DCAF1: variants seen among roughly 807,000 people sequenced by gnomAD.
DCAF1 encodes DDB1- and CUL4-associated factor 1.
Under a neutral mutation model 128.0 loss-of-function variants are expected in DCAF1, and 15 were observed. The observed-to-expected ratio is 0.12, with a 90% confidence interval of 0.08 to 0.18. The LOEUF is 0.18. Ranked by LOEUF, DCAF1 falls within the 10% of genes least tolerant of loss-of-function variation. The pLI is 1.00. For synonymous variants in DCAF1, 610 were observed against 603.0 expected (o/e 1.01, Z -0.17); for missense variants, 988 against 1,649.5 (o/e 0.60, Z 6.95).
chr3:51,421,766 TA>T (rs1305315659), intron 14 of DCAF1, among the ~76,000 whole-genome samples: 1 of 152,190 alleles, frequency 6.6e-6, no homozygotes, highest in Non-Finnish European at 1.5e-5. Flanking sequence ...TTGCTCTTAA[TA>T]AAGTATATTA....
chr3:51,467,515 G>A (rs1263958225), intron 4 of DCAF1, among the ~76,000 whole-genome samples: 1 of 152,034 alleles, frequency 6.6e-6, no homozygotes, highest in Non-Finnish European at 1.5e-5. Flanking sequence ...GGGGAGAGGG[G>A]AGAGGGACAG....
rs1559569233 is a variant in DCAF1, at chr3:51,483,637, G to GTGTA, written c.110+81_110+82insTACA. On this transcript the variant is annotated intron_variant, in intron 3 of 24. Transcript: ENST00000684031. Reference sequence around the variant, plus strand: ...TGTGTGTGTGTGTGTGTGTGTGTGTGTGTGTGTGTATGAAGAAATCTAGCG... The same window carrying GTGTA: ...TGTGTGTGTGTGTGTGTGTGTGTGTGTGTATGTGTGTGTATGAAGAAATCTAGCG... 1.4e-5 allele frequency: 12 copies of GTGTA among 863,648 alleles called. No individual in the cohort carries two copies. The East Asian group carries it at 2.0e-4, about 14-fold the overall frequency. 53.5% of individuals were successfully genotyped at this position (863,648 alleles called of 1,614,324 possible). A position where few individuals can be genotyped will look rare whatever the true frequency, so the allele number is the denominator to read the frequency against.
intron 22 of DCAF1, 40 bp from the exon 23 acceptor site, chr3:51,412,520 T>G (rs1553628799): frequency 4.3e-6 from 7 of 1,612,526 alleles, no homozygotes; most frequent in Non-Finnish European, 5.9e-6. Context: ...CAGTTACTTT[T>G]CAGAAGGTCC....
chr3:51,500,883 C>T (rs994295882), upstream of DCAF1, among the ~76,000 whole-genome samples: 2 of 147,226 alleles, frequency 1.4e-5, no homozygotes, highest in African/African-American at 5.0e-5. Flanking sequence ...GCGATCACAG[C>T]TCACTACAGC....
intron 2 of DCAF1, among the ~76,000 whole-genome samples, chr3:51,488,322 C>T (rs1003809396): frequency 1.3e-5 from 2 of 152,198 alleles, no homozygotes; most frequent in African/African-American, 2.4e-5. Context: ...GCCTGATGTC[C>T]TTTATGACTG....
At chr3:51,452,971 AC>A (rs1377599677) in intron 6 of DCAF1, among the ~76,000 whole-genome samples, 1 of 151,164 alleles carries the variant, frequency 6.6e-6, no homozygotes, top group Non-Finnish European at 1.5e-5. Flanking sequence ...AGCCGAGATC[AC>A]ACTATTGCAC....
chr3:51,472,174 A>C (rs1398756407), intron 3 of DCAF1, among the ~76,000 whole-genome samples: 1 of 152,090 alleles, frequency 6.6e-6, no homozygotes, highest in Non-Finnish European at 1.5e-5. Flanking sequence ...CTGCTTCCTG[A>C]CCACTTCTTC....
intron 1 of DCAF1, among the ~76,000 whole-genome samples, chr3:51,497,659 G>T (rs1553661820): frequency 6.6e-6 from 1 of 152,162 alleles, no homozygotes; most frequent in Non-Finnish European, 1.5e-5. Flanking sequence ...AGCAATTTGG[G>T]AAGCCAAGTC....
chr3:51,458,503 A>G lies in DCAF1; in HGVS notation c.375+4611T>C, dbSNP rs576740459. ...CCCCACTGTCAACATCAGACAGATC[A>G]ACGAGACAGAAAGTTAACAAGGATA... On this transcript the variant is annotated intron_variant, in intron 6 of 24. Transcript: ENST00000684031. Among the ~76,000 whole-genome samples, 193 of 152,258 alleles carry G rather than the reference A, an allele frequency of 1.3e-3. 1 individual carries two copies. Among genetic ancestry groups the G allele is most frequent in the African/African-American group, 3.0e-3 (123 of 41,562 alleles).
chr3:51,419,610 G>T (rs577565551), intron 15 of DCAF1, 124 bp downstream of exon 15: 96 of 1,454,944 alleles, frequency 6.6e-5, no homozygotes, highest in Non-Finnish European at 8.5e-5. Context: ...CAATTACATT[G>T]TTCAAGTATT....
chr3:51,460,846 C>T (rs2108018467), intron 6 of DCAF1, among the ~76,000 whole-genome samples: 1 of 150,440 alleles, frequency 6.6e-6, no homozygotes, highest in Middle Eastern at 3.4e-3. Flanking sequence ...GCTGGGAAAA[C>T]TGGCTAGCCA....
chr3:51,456,261 C>T (rs1204864762), intron 6 of DCAF1, among the ~76,000 whole-genome samples: 4 of 152,230 alleles, frequency 2.6e-5, no homozygotes, highest in Non-Finnish European at 5.9e-5. Flanking sequence ...GAGATTACAT[C>T]CCGCACCTGG....
rs1432977113 is a variant in DCAF1 at position 51,449,868 on chromosome 3, T to C, written c.376-5965A>G. Among the ~76,000 whole-genome samples, 3 of 152,124 alleles carry C rather than the reference T, an allele frequency of 2.0e-5. No individual in the cohort carries two copies. The East Asian group carries it at 5.8e-4, about 29-fold the overall frequency. ...TTTATAAGAGAATACCATATACAAT[T>C]GTACAACAACAAATTGGATAACCAA... On this transcript the variant is annotated intron_variant, in intron 6 of 24. Coordinates refer to ENST00000684031, the MANE Select transcript of DCAF1 (RefSeq NM_001387579.1).
chr3:51,416,871 C>T lies in DCAF1; in HGVS notation c.3519G>A (p.Lys1173=). 2 of 1,605,832 alleles carry T rather than the reference C, an allele frequency of 1.2e-6. No homozygotes were observed. The highest frequency in any genetic ancestry group is 1.7e-6 in the Non-Finnish European group (2 of 1,175,874). ...CATAGTGATCTTCTGTGAAGGAATG[C>T]CTATGGACAAACAACAGGAGCACTG... is the stretch of plus-strand genomic sequence containing the variant. ...LWGMKSVFDM[K]HSFTEDHYVE... The change falls in exon 18 of 25, where the codon AAG becomes AAA. Residue 1173 remains lysine, a splice_region_variant and synonymous_variant. Transcript: ENST00000684031.
intron 1 of DCAF1, among the ~76,000 whole-genome samples, chr3:51,498,007 G>A (rs557927923): frequency 5.0e-4 from 61 of 121,372 alleles, no homozygotes; most frequent in African/African-American, 1.8e-3. Context: ...CTGAGATCGC[G>A]CCACTGCACT....
intron 6 of DCAF1, among the ~76,000 whole-genome samples, chr3:51,459,368 A>G (rs1577217062): frequency 6.6e-6 from 1 of 152,362 alleles, no homozygotes; most frequent in East Asian, 1.9e-4. Flanking sequence ...AAGAAGTTGA[A>G]TCTCTGAACA....
In DCAF1 at chr3:51,403,106, G is replaced by A. The variant is rs781909066; in HGVS notation, c.4465+37C>T. On this transcript the variant is annotated intron_variant, in intron 24 of 24. Coordinates refer to ENST00000684031, the MANE Select transcript of DCAF1 (RefSeq NM_001387579.1). ...CACAAAAGAAGGGATCTTGCCCTGG[G>A]TGCCAAGGCTCAGCCTGAACTCTGC... 5 of 1,570,516 alleles carry A rather than the reference G, an allele frequency of 3.2e-6. No homozygotes were observed. In the African/African-American group the frequency reaches 5.4e-5, roughly 17 times the overall value.
rs1226451419 is a variant in DCAF1 at position 51,430,135 on chromosome 3, T to C, written c.1365A>G (p.Ser455=). 2.6e-6 allele frequency: 2 copies of C among 780,856 alleles called. No individual in the cohort carries two copies. Among genetic ancestry groups the C allele is most frequent in the African/African-American group, 1.7e-5 (1 of 59,246 alleles). 48.4% of individuals were successfully genotyped at this position (780,856 alleles called of 1,614,324 possible). A position where few individuals can be genotyped will look rare whatever the true frequency, so the allele number is the denominator to read the frequency against. ...TLWLMECSHA[S]GCCHATMFFS... ...AAAACATGGTAGCATGGCAGCATCC[T>C]GAAGCATGAGAACACTCCATTAACC... The change falls in exon 11 of 25, where the codon TCA becomes TCG. Residue 455 remains serine (S), a synonymous_variant. Coordinates refer to ENST00000684031, the MANE Select transcript of DCAF1 (RefSeq NM_001387579.1).
At chr3:51,461,155 C>A (rs1221101152) in intron 6 of DCAF1, among the ~76,000 whole-genome samples, 1 of 151,642 alleles carries the variant, frequency 6.6e-6, no homozygotes, top group Non-Finnish European at 1.5e-5. Context: ...TTTTTGCAAC[C>A]TACTCATCTG....
Sources: allele counts gnomAD v4.1 joint callset (sites outside exome capture counted in the v4.1 genomes callset), GRCh38; gene constraint gnomAD v4.1.1; transcripts MANE v1.5; gene names NCBI Gene and HGNC (gene_info 2026-07-23, HGNC 2026-07-21).